TMEM225B: variants seen among roughly 807,000 people sequenced by gnomAD.
The protein encoded by TMEM225B is transmembrane protein 225B.
Under a neutral mutation model 16.9 loss-of-function variants are expected in TMEM225B, and 10 were observed. The observed-to-expected ratio is 0.59, with a 90% CI of 0.36 to 1.00. TMEM225B has a LOEUF of 1.00. TMEM225B is among the 50% of genes least tolerant of loss of function. TMEM225B has a pLI of 0.01. For missense variants in TMEM225B, 217 were observed against 267.0 expected (o/e 0.81, Z 1.30); for synonymous variants, 92 against 109.8 (o/e 0.84, Z 1.01).
intron 3 of TMEM225B, 69 bp from the exon 4 acceptor site, chr7:99,606,679 G>A (rs952450958): frequency 1.3e-4 from 185 of 1,466,480 alleles, no homozygotes; most frequent in Non-Finnish European, 1.6e-4. Context: ...CCCTGCCCAG[G>A]CTCTGAGGGA....
chr7:99,609,947 T>C (rs1806199216), intron 5 of TMEM225B, among the ~76,000 whole-genome samples: 1 of 152,102 alleles, frequency 6.6e-6, no homozygotes, highest in South Asian at 2.1e-4. Context: ...ATGTCGCCCA[T>C]GATGAGTCTC....
rs1188537773 is a variant in TMEM225B, at chr7:99,608,730, TATATACAC to T, written c.493+922_493+929del. On this transcript the variant is annotated intron_variant, in intron 5 of 5. Coordinates refer to ENST00000431679, the MANE Select transcript of TMEM225B (RefSeq NM_001195541.3). ...AGTTAAAAAAAAATATATATATATA[TATATACAC>T]ACACACACACACACACACACACACA... is the stretch of plus-strand genomic sequence containing the variant. Among the ~76,000 whole-genome samples the T allele has an allele frequency of 3.2e-4, 39 of 123,468 alleles. 1 individual carries two copies. Among genetic ancestry groups the T allele is most frequent in the East Asian group, 2.5e-3 (10 of 4,036 alleles). 81.0% of individuals were successfully genotyped at this position (123,468 alleles called of 152,430 possible).
intron 3 of TMEM225B, among the ~76,000 whole-genome samples, chr7:99,605,142 T>TG (rs961382773): frequency 1.3e-5 from 2 of 152,204 alleles, no homozygotes; most frequent in African/African-American, 4.8e-5. Flanking sequence ...TGCCCACCTC[T>TG]GCCAGCTCAG....
At chr7:99,610,007 G>A (rs1806206323) in intron 5 of TMEM225B, among the ~76,000 whole-genome samples, 1 of 152,228 alleles carries the variant, frequency 6.6e-6, no homozygotes, top group Non-Finnish European at 1.5e-5. Context: ...CAAAGCACTG[G>A]AATTACAGGC....
At position 99,606,730 on chromosome 7, in the gene TMEM225B, C is replaced by T. The variant is rs1805845705; in HGVS notation, c.209-18C>T. ...GTCAGGGTTCCCAGCTTCAGCCCCA[C>T]TTCTCCCTCCCCTGCAGTTTACATC... On this transcript the variant is annotated intron_variant, in intron 3 of 5. Coordinates refer to ENST00000431679, the MANE Select transcript of TMEM225B (RefSeq NM_001195541.3). 3 of 1,535,378 alleles carry T rather than the reference C, an allele frequency of 2.0e-6. No individual in the cohort carries two copies. Among genetic ancestry groups the T allele is most frequent in the Non-Finnish European group, 2.6e-6 (3 of 1,146,412 alleles).
intron 5 of TMEM225B, 35 bp from the exon 6 acceptor site, chr7:99,610,358 T>C: frequency 6.5e-7 from 1 of 1,527,988 alleles, no homozygotes. Context: ...CTCTGGACTT[T>C]CTCTGACCTG....
rs372409714 is a variant in TMEM225B at position 99,603,581 on chromosome 7, AC to A, written c.-3-804del. Among the ~76,000 whole-genome samples, 209 of 151,904 alleles carry A rather than the reference AC, an allele frequency of 1.4e-3. 3 individuals carry two copies. The East Asian group carries it at 0.027, about 20-fold the overall frequency. ...GTGGCGGGCGCCTGTAATCTCAGCT[AC>A]TCAGGAGGCTGAGGCAGGAGTATTG... On this transcript the variant is annotated intron_variant, in intron 2 of 5. Transcript: ENST00000431679.
intron 2 of TMEM225B, among the ~76,000 whole-genome samples, chr7:99,604,166 C>A (rs1314390934): frequency 1.3e-5 from 2 of 152,100 alleles, no homozygotes; most frequent in African/African-American, 2.4e-5. Flanking sequence ...CCAAGATCAC[C>A]CAGTGATTTA....
chr7:99,600,176 A>C (rs1375142493), intron 1 of TMEM225B, 29 bp from the exon 2 acceptor site: 1 of 702,862 alleles, frequency 1.4e-6, no homozygotes, highest in East Asian at 2.7e-5. Context: ...ACTGCATCAC[A>C]TGATGTGTTT....
intron 2 of TMEM225B, among the ~76,000 whole-genome samples, chr7:99,601,109 C>T (rs1805322017): frequency 6.6e-6 from 1 of 152,154 alleles, no homozygotes; most frequent in African/African-American, 2.4e-5. Flanking sequence ...AGTGTACTCC[C>T]ATCTATACAG....
At chr7:99,609,522 T>C (rs1037331926) in intron 5 of TMEM225B, among the ~76,000 whole-genome samples, 1 of 151,988 alleles carries the variant, frequency 6.6e-6, no homozygotes, top group Non-Finnish European at 1.5e-5. Context: ...CACTGCAACC[T>C]CCGTCTCCTG....
intron 5 of TMEM225B, among the ~76,000 whole-genome samples, chr7:99,608,823 A>ATG (rs1324934606): frequency 2.7e-5 from 4 of 145,756 alleles, no homozygotes; most frequent in African/African-American, 5.4e-5. Context: ...ACATACATAT[A>ATG]TGTGTGTGTG....
chr7:99,606,696 C>A, intron 3 of TMEM225B, 52 bp from the exon 4 acceptor site: 1 of 1,522,620 alleles, frequency 6.6e-7, no homozygotes, highest in Non-Finnish European at 8.8e-7. Context: ...GGGACTCTGA[C>A]CTTTCCGGGT....
chr7:99,601,464 G>C (rs192341570), intron 2 of TMEM225B, among the ~76,000 whole-genome samples: 1 of 152,232 alleles, frequency 6.6e-6, no homozygotes, highest in Non-Finnish European at 1.5e-5. Context: ...GTGGTGGCAC[G>C]CACCTGTAGT....
intron 5 of TMEM225B, among the ~76,000 whole-genome samples, chr7:99,609,463 G>A (rs1265905547): frequency 1.3e-5 from 2 of 152,056 alleles, no homozygotes; most frequent in Non-Finnish European, 2.9e-5. Context: ...TCCCGAGATG[G>A]AGTCTTGCTC....
At chr7:99,602,582 G>T (rs933165871) in intron 2 of TMEM225B, among the ~76,000 whole-genome samples, 1 of 152,094 alleles carries the variant, frequency 6.6e-6, no homozygotes. Context: ...TCCAGATGGG[G>T]AAAGCAAGGT....
intron 3 of TMEM225B, among the ~76,000 whole-genome samples, chr7:99,604,997 AAACAACAACAACAACAAC>A (rs143208811): frequency 7.2e-6 from 1 of 138,340 alleles, no homozygotes; most frequent in African/African-American, 2.6e-5. Flanking sequence ...CCCTGTCTCA[AAACAACAACAACAACAAC>A]AACAACAACA....
intron 5 of TMEM225B, among the ~76,000 whole-genome samples, chr7:99,608,363 C>T (rs1805997936): frequency 6.6e-6 from 1 of 152,102 alleles, no homozygotes; most frequent in African/African-American, 2.4e-5. Flanking sequence ...TCATATTGGA[C>T]AGTGCAGACA....
At chr7:99,602,792 A>G (rs1318468264) in intron 2 of TMEM225B, among the ~76,000 whole-genome samples, 1 of 152,086 alleles carries the variant, frequency 6.6e-6, no homozygotes, top group Non-Finnish European at 1.5e-5. Flanking sequence ...AGCTCACTGC[A>G]GTCTCTAACT....
Sources: gnomAD v4.1 joint callset for allele counts (sites outside exome capture counted in the v4.1 genomes callset) on GRCh38, gnomAD v4.1.1 for gene constraint, MANE v1.5 for transcripts, NCBI Gene and HGNC (gene_info 2026-07-23, HGNC 2026-07-21) for gene names.